ACCSL: variants seen among roughly 807,000 people sequenced by gnomAD.
The protein encoded by ACCSL is 1-aminocyclopropane-1-carboxylate synthase homolog (inactive) like.
ACCSL carries 55 observed loss-of-function variants against 61.7 expected under a neutral mutation model. That is an observed-to-expected ratio of 0.89 (90% CI 0.72 to 1.12). The LOEUF (loss-of-function observed/expected upper bound fraction) is 1.12, where lower values mean the gene tolerates loss of function less well. Among genes scored for constraint, ACCSL ranks in the 50% most tolerant of loss-of-function variants. The pLI is 0.00. For missense variants in ACCSL, 632 were observed against 698.0 expected, an observed-to-expected ratio of 0.91 and a Z score of 1.07; for synonymous variants, 258 against 264.3, an observed-to-expected ratio of 0.98 and a Z score of 0.23.
chr11:44,023,762 T>C, the ACCSL span, among the ~76,000 whole-genome samples: 1 of 152,164 alleles, frequency 6.6e-6, no homozygotes, highest in African/African-American at 2.4e-5. Flanking sequence ...AGAGCTTTCT[T>C]TTTTAAAAAT....
chr11:43,983,599 C>T, the ACCSL span, among the ~76,000 whole-genome samples: 1 of 152,052 alleles, frequency 6.6e-6, no homozygotes, highest in African/African-American at 2.4e-5. Flanking sequence ...GGTATTACAC[C>T]CAAGTCACTT....
the ACCSL span, among the ~76,000 whole-genome samples, chr11:44,038,866 T>A: frequency 6.6e-6 from 1 of 152,206 alleles, no homozygotes; most frequent in African/African-American, 2.4e-5. Context: ...AAGTCAGCAT[T>A]GTACTTGTGT....
chr11:43,971,329 G>T, the ACCSL span: 1 of 151,628 alleles, frequency 6.6e-6, no homozygotes, highest in African/African-American at 2.4e-5. Context: ...AACATTAGTA[G>T]CTAATATTTG....
the ACCSL span, among the ~76,000 whole-genome samples, chr11:44,024,441 C>CTCTCTG: frequency 7.2e-4 from 95 of 132,094 alleles, no homozygotes; most frequent in Admixed American, 2.4e-3. Context: ...CTCTCTCTCT[C>CTCTCTG]TGTGTGTGTG....
the ACCSL span, among the ~76,000 whole-genome samples, chr11:44,015,240 G>T: frequency 6.6e-6 from 1 of 152,164 alleles, no homozygotes; most frequent in African/African-American, 2.4e-5. Flanking sequence ...TACACTATAA[G>T]GTTGCAATAC....
chr11:43,944,017 C>T, the ACCSL span: 10 of 501,940 alleles, frequency 2.0e-5, no homozygotes, highest in Non-Finnish European at 3.2e-5. Flanking sequence ...CTTCGGTCAC[C>T]GGAACGAGGT....
chr11:44,022,240 A>T, the ACCSL span, among the ~76,000 whole-genome samples: 2 of 152,156 alleles, frequency 1.3e-5, no homozygotes, highest in South Asian at 4.1e-4. Flanking sequence ...GATTCTACCC[A>T]TCTGTGATCA....
chr11:44,038,439 G>C, the ACCSL span, among the ~76,000 whole-genome samples: 4 of 152,202 alleles, frequency 2.6e-5, no homozygotes, highest in African/African-American at 9.7e-5. Context: ...CCTTGGAGGA[G>C]GTGATAAAAG....
upstream of ACCSL, among the ~76,000 whole-genome samples, chr11:44,043,445 G>A (rs1268708227): frequency 2.6e-5 from 4 of 152,214 alleles, no homozygotes; most frequent in Non-Finnish European, 5.9e-5. Flanking sequence ...TGTTGATGAA[G>A]TTAGCTTTTG....
the ACCSL span, among the ~76,000 whole-genome samples, chr11:43,924,610 C>G: frequency 2.6e-5 from 4 of 152,252 alleles, no homozygotes; most frequent in Non-Finnish European, 5.9e-5. Flanking sequence ...AAACCCGTTC[C>G]TGCGGCACAA....
the ACCSL span, among the ~76,000 whole-genome samples, chr11:44,012,183 A>G: frequency 4.1e-3 from 619 of 152,136 alleles, 12 homozygotes; most frequent in East Asian, 0.063. Context: ...AGAGGTTCCC[A>G]TTTATGCCCA....
chr11:44,048,850 A>G (rs1952617717), intron 1 of ACCSL, among the ~76,000 whole-genome samples: 1 of 152,168 alleles, frequency 6.6e-6, no homozygotes. Context: ...TGATGAATGG[A>G]GTCAGCCACT....
chr11:43,943,074 C>A, the ACCSL span: 1 of 1,503,436 alleles, frequency 6.7e-7, no homozygotes. This position sits in a 1 kb window ranked among gnomAD's most constrained non-coding sequence, Gnocchi z 4.8. Context: ...AAGACGCAGC[C>A]GGTGACCTTC....
chr11:44,033,153 A>G, the ACCSL span, among the ~76,000 whole-genome samples: 1 of 152,270 alleles, frequency 6.6e-6, no homozygotes, highest in African/African-American at 2.4e-5. Flanking sequence ...GAAGAGGCTC[A>G]AATTTATATT....
the ACCSL span, among the ~76,000 whole-genome samples, chr11:43,950,128 T>C: frequency 6.6e-6 from 1 of 152,252 alleles, no homozygotes; most frequent in African/African-American, 2.4e-5. Flanking sequence ...ATGCAACATT[T>C]GTCTCTTATC....
At chr11:44,041,667 A>T in the ACCSL span, among the ~76,000 whole-genome samples, 3 of 152,202 alleles carry the variant, frequency 2.0e-5, no homozygotes, top group Admixed American at 6.5e-5. Context: ...GTCTGTAGAT[A>T]GTGATAGTTC....
chr11:44,005,987 G>A, the ACCSL span, among the ~76,000 whole-genome samples: 1 of 152,248 alleles, frequency 6.6e-6, no homozygotes, highest in Non-Finnish European at 1.5e-5. Flanking sequence ...AAGTTTGCAG[G>A]GTGTGTTCCC....
chr11:43,986,145 C>T, the ACCSL span, among the ~76,000 whole-genome samples: 1 of 151,976 alleles, frequency 6.6e-6, no homozygotes, highest in Non-Finnish European at 1.5e-5. Flanking sequence ...GCCATCAATT[C>T]CTTCAGCAAG....
the ACCSL span, among the ~76,000 whole-genome samples, chr11:43,930,418 T>C: frequency 5.9e-5 from 9 of 152,106 alleles, no homozygotes; most frequent in African/African-American, 2.2e-4. Context: ...GTGGGAGGTG[T>C]TTGGATCATG....
Sources: gnomAD v4.1 joint callset for allele counts (sites outside exome capture counted in the v4.1 genomes callset) on GRCh38, gnomAD v4.1.1 for gene constraint, Gnocchi (gnomAD v3.1) non-coding constraint, MANE v1.5 for transcripts, NCBI Gene and HGNC (gene_info 2026-07-23, HGNC 2026-07-21) for gene names.